Variants in TSC22D1 observed in about 807,000 individuals in gnomAD.
TSC22D1 encodes the protein TSC22 domain family member 1, also known as TSC22 domain family protein 1.
Under a neutral mutation model 74.2 loss-of-function variants are expected in TSC22D1, and 9 were observed. The ratio of observed to expected loss-of-function variants is 0.12; its 90% CI spans 0.07 to 0.21. The LOEUF is 0.21. TSC22D1 is among the 10% of genes least tolerant of loss of function. The pLI, the probability that TSC22D1 is intolerant of heterozygous loss-of-function variation, is 1.00. For missense variants in TSC22D1, 1,427 were observed against 1,304.7 expected (o/e 1.09, Z -1.44); for synonymous variants, 586 against 492.5 (o/e 1.19, Z -2.51).
intron 2 of TSC22D1, chr13:44,435,201 G>A (rs1874453919): frequency 8.6e-6 from 2 of 232,772 alleles, no homozygotes; most frequent in Non-Finnish European, 1.6e-5. Context: ...GGACGTCCAA[G>A]CCACAGCGCG....
At chr13:44,493,900 A>T (rs1290620589) in intron 1 of TSC22D1, among the ~76,000 whole-genome samples, 1 of 152,174 alleles carries the variant, frequency 6.6e-6, no homozygotes, top group Non-Finnish European at 1.5e-5. Context: ...CACTTCAGAC[A>T]TCATACATGA....
intron 1 of TSC22D1, among the ~76,000 whole-genome samples, chr13:44,476,531 C>A (rs1018323236): frequency 6.6e-6 from 1 of 152,000 alleles, no homozygotes; most frequent in Non-Finnish European, 1.5e-5. Flanking sequence ...TGATCTGACA[C>A]TTGAATTATG....
intron 1 of TSC22D1, 101 bp downstream of exon 1, chr13:44,573,062 C>T: frequency 6.9e-7 from 1 of 1,453,794 alleles, no homozygotes. Context: ...ATACAAAACA[C>T]AATATACAAT....
intron 1 of TSC22D1, chr13:44,538,017 C>G (rs1391456717): frequency 6.1e-6 from 6 of 985,022 alleles, no homozygotes; most frequent in Non-Finnish European, 7.2e-6. Context: ...AAGAAAGAAA[C>G]AGAAACATTT....
rs749196837 is a variant in TSC22D1 at position 44,575,379 on chromosome 13, G to C, written c.696C>G (p.Leu232=). The change falls in exon 1 of 3, where the codon CTC becomes CTG. Residue 232 remains leucine, a synonymous_variant. Coordinates refer to ENST00000458659, the MANE Select transcript of TSC22D1 (RefSeq NM_183422.4). Reference sequence around the variant, plus strand: ...GAGATGGATGGTGGTGACCATGTTGGAGGTGGTGCCCATGATGAATCTGAT... The same window carrying C: ...GAGATGGATGGTGGTGACCATGTTGCAGGTGGTGCCCATGATGAATCTGAT... The part of the protein sequence containing the change: ...HHHQIHHGHH[L]QHGHHHPSHV... 2.2e-5 allele frequency: 35 copies of C among 1,613,958 alleles called. No homozygotes were observed. The highest frequency in any genetic ancestry group is 1.7e-6 in the Non-Finnish European group (2 of 1,179,984).
At chr13:44,494,818 G>T (rs1458283143) in intron 1 of TSC22D1, among the ~76,000 whole-genome samples, 2 of 152,158 alleles carry the variant, frequency 1.3e-5, no homozygotes, top group African/African-American at 2.4e-5. Flanking sequence ...GATTTCTTAA[G>T]TATGCTCAAA....
At chr13:44,545,582 GAAAA>G (rs199880936) in intron 1 of TSC22D1, among the ~76,000 whole-genome samples, 1 of 116,962 alleles carries the variant, frequency 8.5e-6, no homozygotes. Flanking sequence ...ATAAGGTACT[GAAAA>G]AAAAAAAAAA....
chr13:44,534,210 A>G (rs1881013493), intron 1 of TSC22D1, among the ~76,000 whole-genome samples: 1 of 148,690 alleles, frequency 6.7e-6, no homozygotes, highest in Non-Finnish European at 1.5e-5. Flanking sequence ...TGAGCGACAG[A>G]GTAAGACCCT....
intron 1 of TSC22D1, chr13:44,538,588 T>C: frequency 1.0e-6 from 1 of 985,414 alleles, no homozygotes. Flanking sequence ...ATTTCAGTCT[T>C]CTGAATAGAA....
chr13:44,501,825 T>G (rs1165860994), intron 1 of TSC22D1, among the ~76,000 whole-genome samples: 1 of 152,226 alleles, frequency 6.6e-6, no homozygotes, highest in Non-Finnish European at 1.5e-5. Flanking sequence ...ACATGTGCTG[T>G]GGGCTGATCG....
At chr13:44,440,587 CAA>C (rs67344848) in intron 1 of TSC22D1, among the ~76,000 whole-genome samples, 1,009 of 68,218 alleles carry the variant, frequency 0.015, 2 homozygotes, top group Non-Finnish European at 0.022. Flanking sequence ...GGCTCTGTCT[CAA>C]AAAAAAAAAA....
chr13:44,572,523 T>C (rs1883839727), intron 1 of TSC22D1, among the ~76,000 whole-genome samples: 1 of 152,200 alleles, frequency 6.6e-6, no homozygotes, highest in African/African-American at 2.4e-5. Context: ...TCAAGATAAG[T>C]CTGGTTATTT....
rs1883915193 is a variant in TSC22D1, at chr13:44,573,399, T to A, written c.2676A>T (p.Leu892=). ...ATTGTGCGGAGAACTGGGTAGAACT[T>A]AGTGGTATCTGTTGTGCCAAAGGCA... ...TNLPLAQQIP[L]SSTQFSAQSL... is the part of the protein sequence containing the mutation. Residue 892 remains leucine, a synonymous_variant, in exon 1 of 3, where the codon CTA becomes CTT. Transcript: ENST00000458659. The A allele has an allele frequency of 1.9e-6, 3 of 1,614,252 alleles. No individual in the cohort carries two copies. Among genetic ancestry groups the A allele is most frequent in the Non-Finnish European group, 2.5e-6 (3 of 1,180,050 alleles).
chr13:44,501,529 TC>T (rs1259383807), intron 1 of TSC22D1, among the ~76,000 whole-genome samples: 1 of 152,076 alleles, frequency 6.6e-6, no homozygotes, highest in African/African-American at 2.4e-5. Flanking sequence ...TCTAAATCCT[TC>T]CTAAGGGCAC....
At chr13:44,442,519 C>T (rs908703774) in intron 1 of TSC22D1, among the ~76,000 whole-genome samples, 4 of 152,038 alleles carry the variant, frequency 2.6e-5, no homozygotes, top group Non-Finnish European at 2.9e-5. Context: ...AAGAAAAATA[C>T]ACTAGATGAG....
At chr13:44,456,198 A>C (rs973929173) in intron 1 of TSC22D1, among the ~76,000 whole-genome samples, 2 of 152,194 alleles carry the variant, frequency 1.3e-5, no homozygotes, top group Non-Finnish European at 2.9e-5. Flanking sequence ...CAGCAGCAAG[A>C]TTTATCGCTA....
chr13:44,564,706 T>C (rs1339507147), intron 1 of TSC22D1, among the ~76,000 whole-genome samples: 6 of 152,190 alleles, frequency 3.9e-5, no homozygotes, highest in Admixed American at 6.5e-5. Flanking sequence ...GTAAGTTACC[T>C]GAACAGATTT....
chr13:44,576,257 G>C lies in TSC22D1; in HGVS notation c.-183C>G, dbSNP rs1331421660. 1 of 859,016 alleles carries C rather than the reference G, an allele frequency of 1.2e-6. No individual in the cohort carries two copies. Among genetic ancestry groups the C allele is most frequent in the African/African-American group, 1.7e-5 (1 of 58,506 alleles). 53.2% of individuals were successfully genotyped at this position (859,016 alleles called of 1,614,324 possible). A position where few individuals can be genotyped will look rare whatever the true frequency, so the allele number is the denominator to read the frequency against. On this transcript the variant is annotated 5_prime_UTR_variant, in exon 1 of 3. Transcript: ENST00000458659. ...GCCTTCGAGAGCGAGCTTCGGAAAGGAGGATGAACGAGGGTGAACAGGGCG... is the reference window on the plus strand; with the variant it reads ...GCCTTCGAGAGCGAGCTTCGGAAAGCAGGATGAACGAGGGTGAACAGGGCG...
chr13:44,559,842 C>A (rs917752811), intron 1 of TSC22D1, among the ~76,000 whole-genome samples: 1 of 152,050 alleles, frequency 6.6e-6, no homozygotes, highest in Non-Finnish European at 1.5e-5. Flanking sequence ...CAGGTGTGTG[C>A]CACCATGACT....
Sources: gnomAD v4.1 joint callset for allele counts (sites outside exome capture counted in the v4.1 genomes callset) on GRCh38, gnomAD v4.1.1 for gene constraint, MANE v1.5 for transcripts, NCBI Gene and HGNC (gene_info 2026-07-23, HGNC 2026-07-21) for gene names.